EYS: variants seen among roughly 807,000 people sequenced by gnomAD.
EYS encodes the protein EGF-like photoreceptor maintenance factor.
Under a neutral mutation model 282.1 loss-of-function variants are expected in EYS, and 250 were observed. The observed-to-expected ratio is 0.89, with a 90% CI of 0.80 to 0.98. The LOEUF is 0.98. Ranked by LOEUF, EYS falls within the 50% of genes least tolerant of loss-of-function variation. The pLI is 0.00. For synonymous variants in EYS, 1,355 were observed against 1,282.9 expected, an observed-to-expected ratio of 1.06 and a Z score of -1.20; for missense variants, 4,016 against 3,709.0, an observed-to-expected ratio of 1.08 and a Z score of -2.15.
At chr6:63,981,017 A>G (rs542220072) in intron 35 of EYS, among the ~76,000 whole-genome samples, 1 of 151,954 alleles carries the variant, frequency 6.6e-6, no homozygotes, top group East Asian at 1.9e-4. Context: ...CTTTGTTGGA[A>G]GACTCTACAC....
intron 12 of EYS, among the ~76,000 whole-genome samples, chr6:65,153,774 G>GT (rs1764672768): frequency 6.6e-6 from 1 of 151,746 alleles, no homozygotes; most frequent in Non-Finnish European, 1.5e-5. Flanking sequence ...ATATAGTCAT[G>GT]TAAAAATTCT....
chr6:65,078,872 T>A (rs985470320), intron 12 of EYS, among the ~76,000 whole-genome samples: 1 of 151,596 alleles, frequency 6.6e-6, no homozygotes, highest in Non-Finnish European at 1.5e-5. Flanking sequence ...ACTCATGAGA[T>A]CTGGTTGTTT....
chr6:64,189,031 A>G (rs1765028919), intron 31 of EYS, among the ~76,000 whole-genome samples: 1 of 152,212 alleles, frequency 6.6e-6, no homozygotes, highest in Non-Finnish European at 1.5e-5. Context: ...AATGTGTAAT[A>G]TCATTGAAAA....
intron 2 of EYS, among the ~76,000 whole-genome samples, chr6:65,632,516 G>A (rs898598826): frequency 6.6e-5 from 10 of 152,084 alleles, no homozygotes; most frequent in African/African-American, 2.4e-4. Context: ...CCCTTGGTGC[G>A]GGTGAGCATG....
rs1770909182 is a variant in EYS, at chr6:63,806,352, T to C, written c.7249A>G (p.Arg2417Gly). The C allele has an allele frequency of 1.3e-6, 2 of 1,547,456 alleles. No homozygotes were observed. The highest frequency in any genetic ancestry group is 1.7e-6 in the Non-Finnish European group (2 of 1,144,370). ...CCAAAGGCATCTGTGCCACTGAACCTTGGCTGAGTAATATTAATAGCTGTG... is the reference window on the plus strand; with the variant it reads ...CCAAAGGCATCTGTGCCACTGAACCCTGGCTGAGTAATATTAATAGCTGTG... Reference protein sequence around the residue: ...CTDAINITQPRFSGTDAFGYT... With the variant: ...CTDAINITQPGFSGTDAFGYT... The change falls in exon 37 of 43, where the codon AGG (arginine) becomes GGG (glycine). Residue 2417 changes from arginine (R) to glycine (G), a missense_variant. Coordinates refer to ENST00000503581, the MANE Select transcript of EYS (RefSeq NM_001142800.2).
rs114091467 is a variant in EYS at position 65,115,926 on chromosome 6, T to C, written c.2024-58199A>G. On this transcript the variant is annotated intron_variant, in intron 12 of 42. Coordinates refer to ENST00000503581, the MANE Select transcript of EYS (RefSeq NM_001142800.2). ...TCATAACACTGTGGTGTAACTTCTC[T>C]CAATGAAATAACTATGTCTGTCTGT... Among the ~76,000 whole-genome samples, 1,366 of 151,136 alleles carry C rather than the reference T, an allele frequency of 9.0e-3. 24 individuals carry two copies. The highest frequency in any genetic ancestry group is 0.032 in the African/African-American group (1,292 of 40,882).
chr6:64,485,903 A>G (rs1776568408), intron 26 of EYS, among the ~76,000 whole-genome samples: 1 of 151,510 alleles, frequency 6.6e-6, no homozygotes, highest in Non-Finnish European at 1.5e-5. Context: ...TCATATTTCT[A>G]TATTATGATT....
intron 35 of EYS, among the ~76,000 whole-genome samples, chr6:63,886,683 A>G (rs1773269289): frequency 1.3e-5 from 2 of 152,072 alleles, no homozygotes; most frequent in South Asian, 4.1e-4. Flanking sequence ...CTATATACTG[A>G]CCTTTTATTC....
intron 26 of EYS, among the ~76,000 whole-genome samples, chr6:64,442,001 C>T (rs1211922367): frequency 2.0e-5 from 3 of 152,084 alleles, no homozygotes. Flanking sequence ...TGGAACTGGG[C>T]AACAGGCAGA....
At chr6:64,450,309 T>C (rs1363539307) in intron 26 of EYS, among the ~76,000 whole-genome samples, 1 of 152,100 alleles carries the variant, frequency 6.6e-6, no homozygotes, top group Non-Finnish European at 1.5e-5. Flanking sequence ...AAGAACTAAC[T>C]ATCCTAAATA....
At chr6:63,992,405 A>T (rs1314451755) in intron 34 of EYS, among the ~76,000 whole-genome samples, 2 of 151,724 alleles carry the variant, frequency 1.3e-5, no homozygotes, top group Admixed American at 6.6e-5. Context: ...GGAATTTAGA[A>T]ATTAAGGGCA....
chr6:65,538,975 TA>T (rs1768062843), intron 2 of EYS, among the ~76,000 whole-genome samples: 1 of 152,182 alleles, frequency 6.6e-6, no homozygotes, highest in Admixed American at 6.6e-5. Flanking sequence ...AGTTAAAGCA[TA>T]AGTGAACTAA....
intron 36 of EYS, among the ~76,000 whole-genome samples, chr6:63,834,530 A>G (rs1050805826): frequency 6.6e-6 from 1 of 151,710 alleles, no homozygotes; most frequent in Non-Finnish European, 1.5e-5. Context: ...TTAGAATGGC[A>G]ATCATTAAAA....
chr6:65,137,848 G>C (rs1159125544), intron 12 of EYS, among the ~76,000 whole-genome samples: 1 of 152,040 alleles, frequency 6.6e-6, no homozygotes, highest in East Asian at 1.9e-4. Context: ...TTATATTTAT[G>C]ATATTTACTT....
chr6:65,548,724 C>T (rs750164441), intron 2 of EYS, among the ~76,000 whole-genome samples: 9 of 152,170 alleles, frequency 5.9e-5, no homozygotes, highest in Non-Finnish European at 1.2e-4. Context: ...TGCAACTGTT[C>T]TACACTATAA....
chr6:64,482,534 C>A (rs1167093093), intron 26 of EYS, among the ~76,000 whole-genome samples: 1 of 151,524 alleles, frequency 6.6e-6, no homozygotes, highest in Non-Finnish European at 1.5e-5. Context: ...GTTTAATGGA[C>A]ATAGTAGTTT....
intron 12 of EYS, among the ~76,000 whole-genome samples, chr6:65,123,292 T>G (rs1419613534): frequency 6.6e-6 from 1 of 152,186 alleles, no homozygotes; most frequent in Non-Finnish European, 1.5e-5. Context: ...GAAAGCATAA[T>G]GTATTCTGTA....
chr6:65,410,237 G>A (rs116589791), intron 5 of EYS, among the ~76,000 whole-genome samples: 406 of 152,046 alleles, frequency 2.7e-3, no homozygotes, highest in Admixed American at 4.9e-3. Context: ...AATTTATAGA[G>A]GTCTATTCTT....
intron 35 of EYS, among the ~76,000 whole-genome samples, chr6:63,956,422 C>T (rs1441428939): frequency 6.6e-6 from 1 of 152,118 alleles, no homozygotes; most frequent in African/African-American, 2.4e-5. Flanking sequence ...CCTTCTCTGA[C>T]TCTCTTTTTG....
Sources: gnomAD v4.1 joint callset for allele counts (sites outside exome capture counted in the v4.1 genomes callset) on GRCh38, gnomAD v4.1.1 for gene constraint, MANE v1.5 for transcripts, NCBI Gene and HGNC (gene_info 2026-07-23, HGNC 2026-07-21) for gene names.